The following PCDH15 variants were observed in gnomAD, a reference collection of about 807,000 sequenced individuals.
PCDH15 encodes the protein protocadherin related 15.
A neutral mutation model predicts 178.5 loss-of-function variants in PCDH15; 129 were observed. The ratio of observed to expected loss-of-function variants is 0.72; its 90% confidence interval spans 0.63 to 0.84. PCDH15 has a LOEUF of 0.84. Ranked by LOEUF, PCDH15 falls within the 40% of genes least tolerant of loss-of-function variation. PCDH15 has a pLI of 0.00. For missense variants in PCDH15, 2,230 were observed against 2,099.9 expected (o/e 1.06, Z -1.21); for synonymous variants, 800 against 732.0 (o/e 1.09, Z -1.50).
chr10:54,645,331 G>A (rs900003410), intron 2 of PCDH15, among the ~76,000 whole-genome samples: 4 of 151,920 alleles, frequency 2.6e-5, no homozygotes, highest in African/African-American at 9.7e-5. Flanking sequence ...GAGAGAGAGA[G>A]AAATGGTAAA....
chr10:55,388,751 G>A (rs957201907), intron 2 of PCDH15, among the ~76,000 whole-genome samples: 7 of 152,174 alleles, frequency 4.6e-5, no homozygotes, highest in Middle Eastern at 3.4e-3. Flanking sequence ...ATACTGTGGT[G>A]CACTTAATTT....
At chr10:54,489,089 TG>T (rs1236081463) in intron 3 of PCDH15, among the ~76,000 whole-genome samples, 2 of 152,094 alleles carry the variant, frequency 1.3e-5, no homozygotes, top group Non-Finnish European at 2.9e-5. Context: ...CTGTGTGTTG[TG>T]CTGAATTTAT....
chr10:55,028,274 C>T (rs1204703944), intron 2 of PCDH15, among the ~76,000 whole-genome samples: 1 of 151,570 alleles, frequency 6.6e-6, no homozygotes, highest in Non-Finnish European at 1.5e-5. Flanking sequence ...CTTTGTGATT[C>T]CCAAACTGGT....
intron 15 of PCDH15, among the ~76,000 whole-genome samples, chr10:54,130,550 C>CAT (rs2042351501): frequency 6.6e-6 from 1 of 152,136 alleles, no homozygotes; most frequent in South Asian, 2.1e-4. Context: ...AAACTGCATT[C>CAT]ATGCACTGAG....
chr10:53,977,715 A>C (rs937450148), intron 21 of PCDH15, among the ~76,000 whole-genome samples: 18 of 152,216 alleles, frequency 1.2e-4, no homozygotes, highest in African/African-American at 4.1e-4. Context: ...CATCTGAGAC[A>C]CAGCAAGTAC....
intron 2 of PCDH15, among the ~76,000 whole-genome samples, chr10:55,368,287 T>A (rs559176367): frequency 6.6e-6 from 1 of 152,256 alleles, no homozygotes; most frequent in South Asian, 2.1e-4. Context: ...TTATAAATAA[T>A]TATTTTTCTT....
At chr10:54,899,418 A>G (rs1054484156) in intron 2 of PCDH15, among the ~76,000 whole-genome samples, 1 of 151,936 alleles carries the variant, frequency 6.6e-6, no homozygotes, top group African/African-American at 2.4e-5. Context: ...TTATCACAGG[A>G]ATGGTTTTAT....
At chr10:53,952,045 G>C (rs1224877354) in intron 23 of PCDH15, among the ~76,000 whole-genome samples, 1 of 152,198 alleles carries the variant, frequency 6.6e-6, no homozygotes, top group East Asian at 1.9e-4. Flanking sequence ...CCAGTAGATT[G>C]GAGACAACAG....
chr10:53,959,701 G>T, intron 23 of PCDH15, 31 bp downstream of exon 23: 1 of 1,509,018 alleles, frequency 6.6e-7, no homozygotes, highest in Non-Finnish European at 9.2e-7. Context: ...TAAACATTTC[G>T]TGTATTTCAA....
At chr10:54,695,973 T>C (rs1391836845) in intron 1 of PCDH15, among the ~76,000 whole-genome samples, 1 of 152,084 alleles carries the variant, frequency 6.6e-6, no homozygotes, top group Non-Finnish European at 1.5e-5. Context: ...GTTGCTGTGA[T>C]GCCTGCCAGC....
chr10:53,812,035 AT>A lies in PCDH15; in HGVS notation c.4492-417del, dbSNP rs530336795. 3.8e-4 allele frequency among the ~76,000 whole-genome samples: 58 copies of A among 151,962 alleles called. No individual in the cohort carries two copies. The South Asian group carries it at 9.6e-3, about 25-fold the overall frequency. On this transcript the variant is annotated intron_variant, in intron 35 of 37. Coordinates refer to ENST00000644397, the MANE Select transcript of PCDH15 (RefSeq NM_001384140.1). ...GAAAAATTATAACACTATCTACAGC[AT>A]TTTTTTTCATCTCCCCACTAACAGT... is the stretch of plus-strand genomic sequence containing the variant.
At chr10:55,567,030 T>TA (rs1240672414) in intron 2 of PCDH15, among the ~76,000 whole-genome samples, 1 of 151,918 alleles carries the variant, frequency 6.6e-6, no homozygotes, top group Non-Finnish European at 1.5e-5. Context: ...TTTCCAAACT[T>TA]ACTATAAAGC....
intron 8 of PCDH15, among the ~76,000 whole-genome samples, chr10:54,264,306 A>G (rs1480068048): frequency 6.6e-6 from 1 of 151,972 alleles, no homozygotes; most frequent in Non-Finnish European, 1.5e-5. Context: ...CAAAGTATCA[A>G]CTCCCGCAGA....
intron 8 of PCDH15, among the ~76,000 whole-genome samples, chr10:54,242,536 G>C (rs1471126251): frequency 6.6e-6 from 1 of 151,888 alleles, no homozygotes; most frequent in Admixed American, 6.6e-5. Context: ...TATGAAACCA[G>C]TTCTTACTTT....
At chr10:54,037,448 T>A (rs1190045850) in intron 18 of PCDH15, among the ~76,000 whole-genome samples, 1 of 151,896 alleles carries the variant, frequency 6.6e-6, no homozygotes, top group East Asian at 1.9e-4. Context: ...AGACCCTCTA[T>A]CTGTATAAAG....
chr10:54,439,746 T>C (rs1463786673), intron 3 of PCDH15, among the ~76,000 whole-genome samples: 1 of 152,062 alleles, frequency 6.6e-6, no homozygotes, highest in Non-Finnish European at 1.5e-5. Flanking sequence ...ATTAAGTTAT[T>C]CACTGAGATT....
intron 2 of PCDH15, among the ~76,000 whole-genome samples, chr10:55,571,449 C>G (rs958068079): frequency 1.3e-5 from 2 of 151,880 alleles, no homozygotes; most frequent in Non-Finnish European, 2.9e-5. Context: ...CATACAAATA[C>G]AAAACATATA....
At chr10:54,322,033 T>C (rs899786159) in intron 7 of PCDH15, among the ~76,000 whole-genome samples, 6 of 151,918 alleles carry the variant, frequency 3.9e-5, no homozygotes, top group Non-Finnish European at 7.4e-5. Context: ...TCAGATTTGA[T>C]CTTAAAATAT....
At chr10:55,424,593 G>T (rs1838706012) in intron 2 of PCDH15, among the ~76,000 whole-genome samples, 1 of 152,026 alleles carries the variant, frequency 6.6e-6, no homozygotes, top group Admixed American at 6.6e-5. Flanking sequence ...TTTCTCATTT[G>T]CTACATGTCT....
Sources: allele counts gnomAD v4.1 joint callset (sites outside exome capture counted in the v4.1 genomes callset), GRCh38; gene constraint gnomAD v4.1.1; transcripts MANE v1.5; gene names NCBI Gene and HGNC (gene_info 2026-07-23, HGNC 2026-07-21).